Variants in GPAT3 observed in about 807,000 individuals in gnomAD.
GPAT3 encodes 1-AGP acyltransferase 9.
In GPAT3, 53 loss-of-function variants were observed where a neutral mutation model predicts 58.8. The observed-to-expected ratio is 0.90, with a 90% CI of 0.72 to 1.13. The LOEUF is 1.13. Among genes scored for constraint, GPAT3 ranks in the 50% most tolerant of loss-of-function variants. GPAT3 has a pLI of 0.00. For missense variants in GPAT3, 511 were observed against 527.6 expected (o/e 0.97, Z 0.31); for synonymous variants, 197 against 187.4 (o/e 1.05, Z -0.42).
At chr4:83,594,798 C>A (rs752881724) in intron 6 of GPAT3, 47 bp from the exon 7 acceptor site, 8 of 1,527,914 alleles carry the variant, frequency 5.2e-6, no homozygotes, top group African/African-American at 1.4e-5. Flanking sequence ...ACTTTCTTTG[C>A]ACAACGGTGC....
rs574114987 is a variant in GPAT3 at position 83,580,085 on chromosome 4, A to T, written c.209-1477A>T. ...AAAGGAACCAATGAATGATCATATG[A>T]CTGTGTATATAGCTACTCTTTATTC... On this transcript the variant is annotated intron_variant, in intron 2 of 11. Coordinates refer to ENST00000264409, the MANE Select transcript of GPAT3 (RefSeq NM_032717.5). Among the ~76,000 whole-genome samples, 6 of 152,306 alleles carry T rather than the reference A, an allele frequency of 3.9e-5. No individual in the cohort carries two copies. In the East Asian group the frequency reaches 1.2e-3, roughly 29 times the overall value.
At chr4:83,571,865 C>T (rs373268754) in intron 2 of GPAT3, among the ~76,000 whole-genome samples, 31 of 151,948 alleles carry the variant, frequency 2.0e-4, no homozygotes, top group African/African-American at 5.1e-4. Context: ...CTCTGCCTCC[C>T]GGGTTCAAGC....
In GPAT3 at chr4:83,536,223, G is replaced by A. The variant is rs898841182; in HGVS notation, c.-400G>A. On this transcript the variant is annotated 5_prime_UTR_variant, in exon 1 of 12. Transcript: ENST00000264409. ...AGGGCCTCCGTGAGTCATCTGCTGA[G>A]TTGTCGCAATCGCCACCCAGAGGAA... The A allele has an allele frequency of 5.4e-5, 54 of 995,436 alleles. No individual in the cohort carries two copies. The highest frequency in any genetic ancestry group is 6.5e-5 in the Non-Finnish European group (54 of 836,686). The allele number at this position is 995,436 out of a possible 1,614,324, so 61.7% of individuals were successfully genotyped here.
intron 2 of GPAT3, among the ~76,000 whole-genome samples, chr4:83,562,238 T>TATA (rs1725200789): frequency 4.2e-5 from 5 of 117,812 alleles, no homozygotes; most frequent in African/African-American, 2.2e-4. Context: ...ATATATATAA[T>TATA]ATATATATAT....
chr4:83,555,282 A>G (rs1724907538), intron 2 of GPAT3, among the ~76,000 whole-genome samples: 2 of 152,194 alleles, frequency 1.3e-5, no homozygotes, highest in Admixed American at 6.5e-5. Flanking sequence ...TCCTGGATAG[A>G]TAGCCTCAGG....
At chr4:83,582,428 C>T (rs1726177917) in intron 3 of GPAT3, among the ~76,000 whole-genome samples, 1 of 152,148 alleles carries the variant, frequency 6.6e-6, no homozygotes, top group South Asian at 2.1e-4. Context: ...CAGTGTCAAG[C>T]CTAGTTTATG....
At chr4:83,553,461 A>G (rs1425830084) in intron 2 of GPAT3, among the ~76,000 whole-genome samples, 4 of 152,158 alleles carry the variant, frequency 2.6e-5, no homozygotes, top group African/African-American at 9.7e-5. Flanking sequence ...GCAGTTTTAA[A>G]ATTTTCTGTC....
intron 2 of GPAT3, among the ~76,000 whole-genome samples, chr4:83,548,931 G>C (rs1724643195): frequency 6.6e-6 from 1 of 151,920 alleles, no homozygotes; most frequent in African/African-American, 2.4e-5. Context: ...TTTTACTTTG[G>C]GAATTTTTTT....
At chr4:83,600,325 A>G (rs1401217727) in intron 11 of GPAT3, among the ~76,000 whole-genome samples, 1 of 102,426 alleles carries the variant, frequency 9.8e-6, no homozygotes, top group African/African-American at 3.0e-5. Context: ...AAGGGCACTA[A>G]TCCCATGAGT....
At chr4:83,560,429 G>C (rs1424660271) in intron 2 of GPAT3, among the ~76,000 whole-genome samples, 1 of 151,036 alleles carries the variant, frequency 6.6e-6, no homozygotes, top group African/African-American at 2.4e-5. Context: ...TTTTTTTTTT[G>C]TATTTTTTTG....
Position 83,597,997 on chromosome 4 carries a change from C to T in GPAT3, c.997-54C>T, listed in dbSNP as rs75672663. On this transcript the variant is annotated intron_variant, in intron 9 of 11. Coordinates refer to ENST00000264409, the MANE Select transcript of GPAT3 (RefSeq NM_032717.5). ...CCTACCACCTTTAAAACATTGGGCA[C>T]GGATGAGAAACCACCCTTATTTCAT... is the stretch of plus-strand genomic sequence containing the variant. The T allele has an allele frequency of 1.6e-4, 250 of 1,600,730 alleles. No homozygotes were observed. The East Asian group carries it at 4.2e-3, about 27-fold the overall frequency.
intron 1 of GPAT3, among the ~76,000 whole-genome samples, chr4:83,537,619 G>GTC (rs1176157767): frequency 1.1e-4 from 15 of 141,656 alleles, no homozygotes; most frequent in African/African-American, 3.6e-4. Flanking sequence ...GTGTGTGTGT[G>GTC]TGTGTGTATA....
chr4:83,567,492 G>A (rs1408303259), intron 2 of GPAT3, among the ~76,000 whole-genome samples: 1 of 152,130 alleles, frequency 6.6e-6, no homozygotes, highest in African/African-American at 2.4e-5. Flanking sequence ...ACATTACCTG[G>A]TCATAATATG....
intron 3 of GPAT3, among the ~76,000 whole-genome samples, chr4:83,586,126 T>C (rs1409129980): frequency 6.6e-6 from 1 of 152,194 alleles, no homozygotes; most frequent in Non-Finnish European, 1.5e-5. Flanking sequence ...TTAAATGTGT[T>C]AAATATAAAA....
intron 2 of GPAT3, among the ~76,000 whole-genome samples, chr4:83,576,440 A>ATTTG (rs1725819066): frequency 1.3e-5 from 2 of 150,892 alleles, no homozygotes; most frequent in African/African-American, 2.4e-5. Flanking sequence ...TTATTTATTT[A>ATTTG]TTTATTTATT....
At chr4:83,568,364 C>G (rs188564489) in intron 2 of GPAT3, among the ~76,000 whole-genome samples, 14 of 152,234 alleles carry the variant, frequency 9.2e-5, no homozygotes, top group Admixed American at 7.9e-4. Flanking sequence ...TAAAGGTCAT[C>G]ATAGTTGTGA....
At chr4:83,597,133 T>C (rs1726872466) in intron 8 of GPAT3, among the ~76,000 whole-genome samples, 2 of 152,162 alleles carry the variant, frequency 1.3e-5, no homozygotes, top group Non-Finnish European at 1.5e-5. Flanking sequence ...GGTAGTGAAC[T>C]GAGAGCAGAA....
intron 1 of GPAT3, among the ~76,000 whole-genome samples, chr4:83,540,155 TAA>T (rs58697347): frequency 0.1 from 9,420 of 94,098 alleles, 1,010 homozygotes; most frequent in African/African-American, 0.3. Context: ...AGACTCCATC[TAA>T]AAAAAAAAAA....
intron 6 of GPAT3, among the ~76,000 whole-genome samples, 191 bp downstream of exon 6, chr4:83,590,483 A>G (rs1228634490): frequency 6.6e-6 from 1 of 152,256 alleles, no homozygotes; most frequent in African/African-American, 2.4e-5. Flanking sequence ...GAAAATAGCC[A>G]TGATATTTAA....
Sources: gnomAD v4.1 joint callset for allele counts (sites outside exome capture counted in the v4.1 genomes callset) on GRCh38, gnomAD v4.1.1 for gene constraint, MANE v1.5 for transcripts, NCBI Gene and HGNC (gene_info 2026-07-23, HGNC 2026-07-21) for gene names.